Variants in LHPP observed in about 807,000 individuals in gnomAD.
LHPP encodes hLHPP.
LHPP carries 24 observed loss-of-function variants against 30.3 expected under a neutral mutation model. That is an observed-to-expected ratio of 0.79 (90% CI 0.57 to 1.11). The LOEUF (loss-of-function observed/expected upper bound fraction) is 1.11, where lower values mean the gene tolerates loss of function less well. LHPP is among the 50% of genes most tolerant of loss of function. LHPP has a pLI of 0.00. For missense variants in LHPP, 356 were observed against 367.2 expected (o/e 0.97, Z 0.25); for synonymous variants, 150 against 157.1 (o/e 0.95, Z 0.34).
intron 6 of LHPP, among the ~76,000 whole-genome samples, chr10:124,573,906 A>C (rs1948620831): frequency 6.6e-6 from 1 of 152,138 alleles, no homozygotes; most frequent in African/African-American, 2.4e-5. Flanking sequence ...GATTTTGTTT[A>C]CATGAGACTC....
In LHPP at chr10:124,484,038, TG is replaced by T. The variant is rs939444992; in HGVS notation, c.126-98del. Reference sequence around the variant, plus strand: ...GGGCTCGCAGTGGCCTAGTCTGCTCTGGGCTTTGCTGGATGCCCTTCGAGAA... The same window carrying T: ...GGGCTCGCAGTGGCCTAGTCTGCTCTGGCTTTGCTGGATGCCCTTCGAGAA... On this transcript the variant is annotated intron_variant, in intron 1 of 6. Transcript: ENST00000368842. The T allele has an allele frequency of 5.1e-5, 58 of 1,141,902 alleles. No homozygotes were observed. In the Admixed American group the frequency reaches 1.2e-3, roughly 23 times the overall value. The allele number at this position is 1,141,902 out of a possible 1,614,324, so 70.7% of individuals were successfully genotyped here.
intron 6 of LHPP, among the ~76,000 whole-genome samples, chr10:124,606,559 C>A (rs1230108975): frequency 1.3e-5 from 2 of 152,258 alleles, no homozygotes; most frequent in East Asian, 3.8e-4. Context: ...ACTTCGTGTG[C>A]AGTCTTGCCT....
Position 124,592,895 on chromosome 10 carries a change from C to T in LHPP, c.717-20369C>T, listed in dbSNP as rs550951339. Among the ~76,000 whole-genome samples, 13 of 152,376 alleles carry T rather than the reference C, an allele frequency of 8.5e-5. No homozygotes were observed. Among genetic ancestry groups the T allele is most frequent in the African/African-American group, 2.9e-4 (12 of 41,594 alleles). ...TGGATGGGGTCCCTGTGGGCACAAT[C>T]GGCCCAGTGTGGGGCGCACCGCCCC... On this transcript the variant is annotated intron_variant, in intron 6 of 6. Coordinates refer to ENST00000368842, the MANE Select transcript of LHPP (RefSeq NM_022126.4). This position sits in a 1 kb window ranked among gnomAD's most constrained non-coding sequence, Gnocchi z 6.2.
intron 6 of LHPP, among the ~76,000 whole-genome samples, chr10:124,611,690 C>T (rs1200516314): frequency 1.3e-5 from 2 of 152,132 alleles, no homozygotes; most frequent in Non-Finnish European, 1.5e-5. Context: ...CTCCAGGCCA[C>T]TGGGCTGAGA....
At chr10:124,553,903 G>A in intron 6 of LHPP, 2 of 985,480 alleles carry the variant, frequency 2.0e-6, no homozygotes, top group Non-Finnish European at 2.4e-6. Flanking sequence ...AGGCTAAGCT[G>A]TTGGCATCTG....
chr10:124,549,103 A>T (rs1301850347), intron 6 of LHPP, among the ~76,000 whole-genome samples: 1 of 152,238 alleles, frequency 6.6e-6, no homozygotes, highest in Non-Finnish European at 1.5e-5. Flanking sequence ...GATTTTTCCC[A>T]CAAAACAATT....
chr10:124,512,196 C>T (rs984005983), intron 5 of LHPP, among the ~76,000 whole-genome samples: 7 of 152,286 alleles, frequency 4.6e-5, no homozygotes, highest in East Asian at 3.9e-4. Flanking sequence ...CACTGGCCTG[C>T]GAAGGCCTAG....
At chr10:124,503,364 C>A (rs879498528) in intron 5 of LHPP, among the ~76,000 whole-genome samples, 4 of 152,016 alleles carry the variant, frequency 2.6e-5, no homozygotes, top group Non-Finnish European at 5.9e-5. Flanking sequence ...CCACATCCGG[C>A]CTTCATTGGT....
At chr10:124,535,746 G>A (rs1955007673) in intron 6 of LHPP, among the ~76,000 whole-genome samples, 1 of 152,212 alleles carries the variant, frequency 6.6e-6, no homozygotes, top group South Asian at 2.1e-4. Flanking sequence ...TGGCCTTTAG[G>A]GGTGCATGCT....
In LHPP at chr10:124,590,969, G is replaced by T. The variant is rs757199581; in HGVS notation, c.717-22295G>T. 6.6e-6 allele frequency among the ~76,000 whole-genome samples: 1 copy of T among 152,168 alleles called. No individual in the cohort carries two copies. Among genetic ancestry groups the T allele is most frequent in the Non-Finnish European group, 1.5e-5 (1 of 68,036 alleles). On this transcript the variant is annotated intron_variant, in intron 6 of 6. Coordinates refer to ENST00000368842, the MANE Select transcript of LHPP (RefSeq NM_022126.4). The surrounding 1 kb of genome is among the most constrained non-coding windows in gnomAD (Gnocchi z 4.3). ...ACAGAAGCAGTCTCGCCCATCCTGG[G>T]GCCTGAGAGCATCATTCCTTTGTGA... is the stretch of plus-strand genomic sequence containing the variant.
At chr10:124,513,462 C>CG (rs372178963) in intron 5 of LHPP, among the ~76,000 whole-genome samples, 1 of 92,218 alleles carries the variant, frequency 1.1e-5, no homozygotes, top group East Asian at 3.6e-4. Flanking sequence ...ATTATTATTA[C>CG]TTTTTTTTTT....
chr10:124,518,577 C>A (rs1269112925), intron 6 of LHPP, among the ~76,000 whole-genome samples: 2 of 152,260 alleles, frequency 1.3e-5, no homozygotes, highest in Non-Finnish European at 2.9e-5. Context: ...ACAAGTGACA[C>A]CTCCCTGCTT....
rs1431105336 is a variant in LHPP, at chr10:124,614,016, C to A, written c.*656C>A. The A allele has an allele frequency of 2.6e-5, 4 of 153,732 alleles. No homozygotes were observed. The highest frequency in any genetic ancestry group is 5.8e-5 in the Non-Finnish European group (4 of 69,124). 9.5% of individuals were successfully genotyped at this position (153,732 alleles called of 1,614,324 possible). ...AGGCTCCCATGCCACACAGTGAGAA[C>A]TGTAGCCTCTGCGTCCAAGGCACAC... On this transcript the variant is annotated 3_prime_UTR_variant, in exon 7 of 7. Coordinates refer to ENST00000368842, the MANE Select transcript of LHPP (RefSeq NM_022126.4).
chr10:124,527,797 T>C (rs1954782576), intron 6 of LHPP, among the ~76,000 whole-genome samples: 1 of 152,214 alleles, frequency 6.6e-6, no homozygotes, highest in South Asian at 2.1e-4. Flanking sequence ...TTTTTTCTTT[T>C]TGAGATGCGG....
At chr10:124,472,560 CTTT>C (rs1344794719) in intron 1 of LHPP, among the ~76,000 whole-genome samples, 4 of 141,574 alleles carry the variant, frequency 2.8e-5, no homozygotes. Flanking sequence ...TATAAACTTA[CTTT>C]TTTTTTTTTT....
intron 6 of LHPP, among the ~76,000 whole-genome samples, chr10:124,564,538 C>G (rs1948458839): frequency 6.6e-6 from 1 of 152,082 alleles, no homozygotes; most frequent in Non-Finnish European, 1.5e-5. Context: ...ACAGGTGTGC[C>G]CCACCGTGCC....
chr10:124,508,157 G>C (rs1482886364), intron 5 of LHPP, among the ~76,000 whole-genome samples: 1 of 152,032 alleles, frequency 6.6e-6, no homozygotes, highest in Non-Finnish European at 1.5e-5. Context: ...GTCCACATGG[G>C]GGCCACTCCG....
chr10:124,483,612 C>G (rs1052591586), intron 1 of LHPP, among the ~76,000 whole-genome samples: 15 of 152,222 alleles, frequency 9.9e-5, no homozygotes, highest in Admixed American at 2.6e-4. Flanking sequence ...AAAAAATTAG[C>G]CAGGTATGAT....
chr10:124,578,696 C>G (rs1473436444), intron 6 of LHPP, among the ~76,000 whole-genome samples: 1 of 152,204 alleles, frequency 6.6e-6, no homozygotes, highest in Non-Finnish European at 1.5e-5. Flanking sequence ...TTGCTGGATG[C>G]AGGGCTTACA....
Sources: allele counts gnomAD v4.1 joint callset (sites outside exome capture counted in the v4.1 genomes callset), GRCh38; gene constraint gnomAD v4.1.1; non-coding constraint Gnocchi (gnomAD v3.1); transcripts MANE v1.5; gene names NCBI Gene and HGNC (gene_info 2026-07-23, HGNC 2026-07-21).